The following CREB5 variants were observed in gnomAD, a reference collection of about 807,000 sequenced individuals.
CREB5 encodes cAMP responsive element binding protein 5, also known as cyclic AMP-responsive element-binding protein 5.
A neutral mutation model predicts 57.1 loss-of-function variants in CREB5; 19 were observed. The ratio of observed to expected loss-of-function variants is 0.33; its 90% CI spans 0.23 to 0.49. The LOEUF (loss-of-function observed/expected upper bound fraction) is 0.49. Ranked by LOEUF, CREB5 falls within the 20% of genes least tolerant of loss-of-function variation. CREB5 has a pLI of 0.99. For missense variants in CREB5, 579 were observed against 671.6 expected (o/e 0.86, Z 1.52); for synonymous variants, 238 against 238.3 (o/e 1.00, Z 0.01).
intron 4 of CREB5, among the ~76,000 whole-genome samples, chr7:28,527,468 A>T (rs1433101032): frequency 6.6e-6 from 1 of 152,180 alleles, no homozygotes; most frequent in Non-Finnish European, 1.5e-5. Flanking sequence ...GCAAGTTCCC[A>T]GATGATGCTG....
At chr7:28,332,862 T>A (rs1409346789) in intron 1 of CREB5, among the ~76,000 whole-genome samples, 2 of 152,216 alleles carry the variant, frequency 1.3e-5, no homozygotes, top group African/African-American at 4.8e-5. Context: ...ATTTAACCAA[T>A]CTCCTATTGA....
intron 5 of CREB5, among the ~76,000 whole-genome samples, chr7:28,620,069 T>C (rs1287529753): frequency 6.6e-6 from 1 of 152,208 alleles, no homozygotes; most frequent in Non-Finnish European, 1.5e-5. Context: ...CTTGATGAAG[T>C]GAAGCTTCTC....
At chr7:28,443,386 C>T (rs1286571572) in intron 1 of CREB5, among the ~76,000 whole-genome samples, 1 of 152,180 alleles carries the variant, frequency 6.6e-6, no homozygotes, top group Non-Finnish European at 1.5e-5. Context: ...CTTTATTACA[C>T]TGGACAGTAA....
intron 1 of CREB5, among the ~76,000 whole-genome samples, chr7:28,369,242 A>G (rs971005879): frequency 1.3e-5 from 2 of 152,178 alleles, no homozygotes; most frequent in Non-Finnish European, 2.9e-5. Context: ...ACTGTTTGCT[A>G]CAGTTTTATT....
chr7:28,571,338 C>A (rs1367292748), intron 5 of CREB5, among the ~76,000 whole-genome samples: 1 of 152,158 alleles, frequency 6.6e-6, no homozygotes, highest in African/African-American at 2.4e-5. Context: ...GTCGTCCCGC[C>A]CTCTGCTTAT....
At chr7:28,479,811 T>C (rs1791246237) in intron 1 of CREB5, among the ~76,000 whole-genome samples, 1 of 152,192 alleles carries the variant, frequency 6.6e-6, no homozygotes, top group South Asian at 2.1e-4. Context: ...AATAGTAAGA[T>C]GAAATAGTCT....
At chr7:28,317,596 A>G (rs753004015) in intron 1 of CREB5, among the ~76,000 whole-genome samples, 27 of 152,238 alleles carry the variant, frequency 1.8e-4, no homozygotes, top group Admixed American at 6.5e-4. Context: ...CAGCTTCACA[A>G]TCTACAATTA....
At chr7:28,766,598 G>T (rs1449907856) in intron 7 of CREB5, among the ~76,000 whole-genome samples, 2 of 152,334 alleles carry the variant, frequency 1.3e-5, no homozygotes, top group East Asian at 3.9e-4. Flanking sequence ...AGGAAAAGTT[G>T]AATGTGTCAG....
intron 1 of CREB5, among the ~76,000 whole-genome samples, chr7:28,460,170 T>C (rs1180124550): frequency 6.6e-6 from 1 of 152,148 alleles, no homozygotes; most frequent in African/African-American, 2.4e-5. Flanking sequence ...GGATTACATA[T>C]TTTACAAGTG....
chr7:28,576,039 G>A (rs959142657), intron 5 of CREB5, among the ~76,000 whole-genome samples: 2 of 152,198 alleles, frequency 1.3e-5, no homozygotes, highest in Admixed American at 6.5e-5. Flanking sequence ...AAATGGCTGG[G>A]TATTCTGAGA....
At chr7:28,356,472 T>C (rs931982476) in intron 1 of CREB5, among the ~76,000 whole-genome samples, 16 of 152,194 alleles carry the variant, frequency 1.1e-4, no homozygotes, top group African/African-American at 3.9e-4. Flanking sequence ...AAGTGATACA[T>C]GTGTTGATCC....
intron 4 of CREB5, among the ~76,000 whole-genome samples, chr7:28,546,692 A>G (rs1036154398): frequency 3.9e-5 from 6 of 152,180 alleles, no homozygotes; most frequent in African/African-American, 1.4e-4. Flanking sequence ...TGAGAGCTCA[A>G]TTTTAGGACT....
At chr7:28,671,945 T>G (rs962415023) in intron 5 of CREB5, among the ~76,000 whole-genome samples, 4 of 152,194 alleles carry the variant, frequency 2.6e-5, no homozygotes, top group African/African-American at 9.6e-5. Context: ...ATAATTATTA[T>G]TACACTTTCT....
chr7:28,334,659 T>C (rs1785780319), intron 1 of CREB5, among the ~76,000 whole-genome samples: 1 of 152,196 alleles, frequency 6.6e-6, no homozygotes, highest in Non-Finnish European at 1.5e-5. Flanking sequence ...GTCTCTTCAC[T>C]TTGTTGATTG....
At position 28,560,939 on chromosome 7, in the gene CREB5, TGC is replaced by T. The variant is rs1216801912; in HGVS notation, c.292-9424_292-9423del. On this transcript the variant is annotated intron_variant, in intron 4 of 10. Transcript: ENST00000357727. ...GCGTGTGTGCGCGTGCGTGTGTGCG[TGC>T]GTGTGTGTGCGTGTGTGTGCGTGTG... Among the ~76,000 whole-genome samples, 209 of 31,890 alleles carry T rather than the reference TGC, an allele frequency of 6.6e-3. 24 individuals are homozygous for T. The highest frequency in any genetic ancestry group is 0.011 in the South Asian group (5 of 474). 20.9% of individuals were successfully genotyped at this position (31,890 alleles called of 152,430 possible).
rs114553601 is a variant in CREB5, at chr7:28,708,670, G to A, written c.465-10083G>A. 6.6e-3 allele frequency among the ~76,000 whole-genome samples: 1,000 copies of A among 152,230 alleles called. 8 individuals carry two copies. The highest frequency in any genetic ancestry group is 0.023 in the African/African-American group (935 of 41,536). The stretch of plus-strand genomic sequence containing the variant: ...TATTGCCATTCAGCTGCAAAATTCC[G>A]TCATCTATTTGGAATATAGATATTG... On this transcript the variant is annotated intron_variant, in intron 5 of 10. Coordinates refer to ENST00000357727, the MANE Select transcript of CREB5 (RefSeq NM_182898.4).
intron 5 of CREB5, among the ~76,000 whole-genome samples, chr7:28,618,454 T>G (rs1327516654): frequency 6.6e-6 from 1 of 152,246 alleles, no homozygotes; most frequent in Non-Finnish European, 1.5e-5. Flanking sequence ...ATCTGCTTCC[T>G]TATCAGATGC....
chr7:28,721,935 A>G (rs1466460225), intron 6 of CREB5, among the ~76,000 whole-genome samples: 1 of 152,242 alleles, frequency 6.6e-6, no homozygotes, highest in Admixed American at 6.5e-5. Context: ...TTTTACCTGC[A>G]GTGCTAAATG....
rs760528660 is a variant in CREB5 at position 28,488,224 on chromosome 7, G to T, written c.53G>T (p.Cys18Phe). ...MNLEQERPFV[C>F]SAPGCSQRFP... is the part of the protein sequence containing the mutation. ...TTGGAGCAGGAGAGGCCGTTTGTCTGCAGTGCCCCAGGCTGCTCCCAGGTG... is the reference window on the plus strand; with the variant it reads ...TTGGAGCAGGAGAGGCCGTTTGTCTTCAGTGCCCCAGGCTGCTCCCAGGTG... Residue 18 changes from cysteine (C) to phenylalanine (F), a missense_variant, in exon 2 of 11, where the codon TGC (cysteine) becomes TTC (phenylalanine). Transcript: ENST00000357727. 6.2e-7 allele frequency: 1 copy of T among 1,613,754 alleles called. No homozygotes were observed. Among genetic ancestry groups the T allele is most frequent in the Non-Finnish European group, 8.5e-7 (1 of 1,179,796 alleles).
Sources: gnomAD v4.1 joint callset for allele counts (sites outside exome capture counted in the v4.1 genomes callset) on GRCh38, gnomAD v4.1.1 for gene constraint, MANE v1.5 for transcripts, NCBI Gene and HGNC (gene_info 2026-07-23, HGNC 2026-07-21) for gene names.